The following SUMF1 variants were observed in gnomAD, a reference collection of about 807,000 sequenced individuals.
The protein encoded by SUMF1 is sulfatase modifying factor 1.
In SUMF1, 48 loss-of-function variants were observed where a neutral mutation model predicts 47.6. The observed-to-expected ratio is 1.01, with a 90% CI of 0.80 to 1.28. The LOEUF (loss-of-function observed/expected upper bound fraction) is 1.28. Ranked by LOEUF, SUMF1 falls within the 50% of genes most tolerant of loss-of-function variation. The pLI is 0.00. For missense variants in SUMF1, 571 were observed against 485.4 expected, an observed-to-expected ratio of 1.18 and a Z score of -1.66; for synonymous variants, 230 against 192.1, an observed-to-expected ratio of 1.20 and a Z score of -1.63.
intron 8 of SUMF1, among the ~76,000 whole-genome samples, chr3:4,189,756 C>T (rs534281020): frequency 6.6e-6 from 1 of 152,098 alleles, no homozygotes; most frequent in Non-Finnish European, 1.5e-5. Flanking sequence ...ACCATCTCCT[C>T]CTGCTCCCCC....
At chr3:4,122,381 C>T (rs1693565098) in intron 8 of SUMF1, among the ~76,000 whole-genome samples, 1 of 151,954 alleles carries the variant, frequency 6.6e-6, no homozygotes, top group South Asian at 2.1e-4. Flanking sequence ...TTGGTGGTGG[C>T]TAGGGTTCAG....
chr3:4,105,347 T>C (rs1013918710), intron 8 of SUMF1, among the ~76,000 whole-genome samples: 1 of 152,118 alleles, frequency 6.6e-6, no homozygotes, highest in African/African-American at 2.4e-5. Flanking sequence ...ACAATGTGTA[T>C]TTTTAAAAAG....
Position 4,064,839 on chromosome 3 carries a change from G to C in SUMF1, c.1191+3730C>G, listed in dbSNP as rs186618249. The stretch of plus-strand genomic sequence containing the variant: ...TTCAGCCATATTTTAATGAACAAGT[G>C]CTAAATTTCTTTGCTCAGATAATTT... On this transcript the variant is annotated intron_variant and NMD_transcript_variant, in intron 9 of 12. Transcript: ENST00000448413. 1.5e-3 allele frequency among the ~76,000 whole-genome samples: 232 copies of C among 152,262 alleles called. 1 individual carries two copies. Among genetic ancestry groups the C allele is most frequent in the African/African-American group, 5.4e-3 (226 of 41,548 alleles).
At chr3:4,065,474 A>G (rs1695354517) in intron 9 of SUMF1, among the ~76,000 whole-genome samples, 1 of 152,206 alleles carries the variant, frequency 6.6e-6, no homozygotes, top group Admixed American at 6.5e-5. Context: ...CAAGACAAAC[A>G]GAACCGTATT....
intron 8 of SUMF1, among the ~76,000 whole-genome samples, chr3:4,135,603 T>C (rs1165712623): frequency 6.6e-6 from 1 of 152,090 alleles, no homozygotes; most frequent in Non-Finnish European, 1.5e-5. Flanking sequence ...GATTCCAACA[T>C]AGTGTTGGAA....
intron 8 of SUMF1, among the ~76,000 whole-genome samples, chr3:4,366,448 C>T (rs1264582069): frequency 4.6e-5 from 7 of 151,750 alleles, no homozygotes; most frequent in Non-Finnish European, 8.8e-5. Context: ...CTTCCCTTCT[C>T]GCTTCATTTC....
At chr3:4,179,412 C>T (rs1245135308) in intron 8 of SUMF1, among the ~76,000 whole-genome samples, 1 of 152,040 alleles carries the variant, frequency 6.6e-6, no homozygotes, top group East Asian at 1.9e-4. Context: ...CTTTGATAAA[C>T]CTGACAAAAA....
chr3:4,462,065 AG>A (rs2079827853), intron 1 of SUMF1, among the ~76,000 whole-genome samples: 1 of 152,230 alleles, frequency 6.6e-6, no homozygotes, highest in Non-Finnish European at 1.5e-5. Context: ...GGCCATGTGC[AG>A]TGGGCACTGC....
intron 7 of SUMF1, among the ~76,000 whole-genome samples, chr3:4,406,414 G>A (rs551109294): frequency 3.3e-4 from 51 of 152,252 alleles, no homozygotes; most frequent in African/African-American, 1.2e-3. Flanking sequence ...CCAGCACTTC[G>A]GGAGGCGGAG....
intron 8 of SUMF1, among the ~76,000 whole-genome samples, chr3:4,255,803 A>G (rs1247589789): frequency 3.9e-5 from 4 of 103,170 alleles, no homozygotes; most frequent in African/African-American, 1.3e-4. Context: ...CCAAATCAAC[A>G]GAATATACAT....
At chr3:4,171,920 C>G (rs1027787347) in intron 8 of SUMF1, among the ~76,000 whole-genome samples, 7 of 152,102 alleles carry the variant, frequency 4.6e-5, no homozygotes, top group Admixed American at 3.9e-4. Context: ...CTGTGCCAGT[C>G]AGAGGAAAGC....
rs918092485 is a variant in SUMF1, at chr3:4,350,333, G to A, written c.1014+25997C>T. On this transcript the variant is annotated intron_variant and NMD_transcript_variant, in intron 8 of 12. Transcript: ENST00000448413. ...CACCACTTTCTGTGTGTGTATATGC[G>A]TGTGTGTGTGTGTGTGTGTGTATAA... Among the ~76,000 whole-genome samples the A allele has an allele frequency of 3.7e-4, 28 of 75,420 alleles. No individual in the cohort carries two copies. The South Asian group carries it at 6.2e-3, about 17-fold the overall frequency. The allele number at this position is 75,420 out of a possible 152,430, so 49.5% of individuals were successfully genotyped here.
downstream of SUMF1, among the ~76,000 whole-genome samples, chr3:4,357,961 G>A (rs1699658855): frequency 6.6e-6 from 1 of 151,796 alleles, no homozygotes; most frequent in African/African-American, 2.4e-5. Flanking sequence ...TTTTCCTCAA[G>A]GGTCATATCG....
At chr3:4,138,369 G>T (rs958801201) in intron 8 of SUMF1, among the ~76,000 whole-genome samples, 1 of 152,056 alleles carries the variant, frequency 6.6e-6, no homozygotes, top group Non-Finnish European at 1.5e-5. Context: ...GAATATCTTT[G>T]TTTGCCTGAA....
intron 8 of SUMF1, among the ~76,000 whole-genome samples, chr3:4,271,727 C>T (rs1254737560): frequency 1.3e-5 from 2 of 152,160 alleles, no homozygotes; most frequent in African/African-American, 2.4e-5. Context: ...CTCTCAAACT[C>T]CTAGCCTCAA....
At chr3:4,433,074 C>T (rs1189491246) in intron 3 of SUMF1, among the ~76,000 whole-genome samples, 3 of 152,142 alleles carry the variant, frequency 2.0e-5, no homozygotes, top group African/African-American at 7.2e-5. Context: ...ATTCCAAATT[C>T]TTATTTTTGC....
At chr3:4,121,176 TTC>T (rs1491501858) in intron 8 of SUMF1, among the ~76,000 whole-genome samples, 1 of 152,182 alleles carries the variant, frequency 6.6e-6, no homozygotes, top group African/African-American at 2.4e-5. Context: ...GACAATTTTT[TTC>T]CCAGCCATTA....
intron 8 of SUMF1, among the ~76,000 whole-genome samples, chr3:4,302,326 C>T (rs1697989127): frequency 6.6e-6 from 1 of 152,066 alleles, no homozygotes; most frequent in South Asian, 2.1e-4. Context: ...TGAGGGGTGG[C>T]TTCCAGGTCA....
chr3:4,051,585 C>T (rs1695111730), intron 9 of SUMF1, among the ~76,000 whole-genome samples: 1 of 152,174 alleles, frequency 6.6e-6, no homozygotes, highest in African/African-American at 2.4e-5. Flanking sequence ...TCTAAATAGA[C>T]GTACCATGTA....
Sources: gnomAD v4.1 joint callset for allele counts (sites outside exome capture counted in the v4.1 genomes callset) on GRCh38, gnomAD v4.1.1 for gene constraint, MANE v1.5 for transcripts, NCBI Gene and HGNC (gene_info 2026-07-23, HGNC 2026-07-21) for gene names.